The following FCHO2 variants were observed in gnomAD, a reference collection of about 807,000 sequenced individuals.
The protein encoded by FCHO2 is F-BAR domain only protein 2.
Under a neutral mutation model 114.1 loss-of-function variants are expected in FCHO2, and 43 were observed. The observed-to-expected ratio is 0.38, with a 90% CI of 0.30 to 0.49. The LOEUF (loss-of-function observed/expected upper bound fraction) is 0.49, where lower values mean the gene tolerates loss of function less well. Ranked by LOEUF, FCHO2 falls within the 20% of genes least tolerant of loss-of-function variation. The probability of loss-of-function intolerance (pLI) is 0.97; values close to 1 mark genes in which losing one functional copy is unlikely to be tolerated. For missense variants in FCHO2, 807 were observed against 950.4 expected (o/e 0.85, Z 1.98); for synonymous variants, 293 against 315.2 (o/e 0.93, Z 0.75).
At chr5:72,959,577 T>C (rs112374186) in intron 1 of FCHO2, among the ~76,000 whole-genome samples, 62 of 152,306 alleles carry the variant, frequency 4.1e-4, no homozygotes, top group African/African-American at 1.4e-3. Context: ...TAGATATTAA[T>C]TTAACTCTTC....
intron 8 of FCHO2, chr5:73,020,976 A>C (rs779162983): frequency 3.1e-5 from 50 of 1,596,602 alleles, no homozygotes; most frequent in Non-Finnish European, 4.0e-5. Flanking sequence ...GTTCGGGTCC[A>C]TTCACATCTT....
chr5:72,968,733 G>A (rs1561406313), intron 2 of FCHO2, 144 bp downstream of exon 2: 1 of 608,882 alleles, frequency 1.6e-6, no homozygotes, highest in East Asian at 3.8e-5. Context: ...CTATCTATTT[G>A]TATCTATCAT....
At chr5:72,990,923 C>G (rs1033714351) in intron 5 of FCHO2, 59 bp downstream of exon 5, 34 of 1,480,270 alleles carry the variant, frequency 2.3e-5, no homozygotes, top group South Asian at 1.8e-4. Context: ...TACAAAATTG[C>G]ATTTAACATT....
chr5:72,988,334 A>G (rs1362382615), intron 2 of FCHO2, among the ~76,000 whole-genome samples: 1 of 152,102 alleles, frequency 6.6e-6, no homozygotes, highest in African/African-American at 2.4e-5. Context: ...GCTACTCGGG[A>G]GGCTGAGGCA....
intron 8 of FCHO2, among the ~76,000 whole-genome samples, chr5:73,030,045 G>GTT (rs113431803): frequency 0.14 from 19,251 of 135,136 alleles, 1,605 homozygotes; most frequent in East Asian, 0.34. Flanking sequence ...CTTTCTTTTT[G>GTT]TTTTTTTTTT....
intron 11 of FCHO2, among the ~76,000 whole-genome samples, chr5:73,043,466 C>T (rs987588844): frequency 2.0e-5 from 3 of 152,110 alleles, no homozygotes; most frequent in East Asian, 1.9e-4. Flanking sequence ...CATATACACA[C>T]ATATATAAAG....
chr5:72,998,793 TTAATG>T (rs1479121674), intron 5 of FCHO2, among the ~76,000 whole-genome samples: 1 of 151,528 alleles, frequency 6.6e-6, no homozygotes, highest in Non-Finnish European at 1.5e-5. Flanking sequence ...CAAAACAAGT[TTAATG>T]TAATGATTTA....
chr5:72,977,974 C>T (rs963731637), intron 2 of FCHO2, among the ~76,000 whole-genome samples: 1 of 152,084 alleles, frequency 6.6e-6, no homozygotes, highest in African/African-American at 2.4e-5. Context: ...TTCCATTGGT[C>T]TATATCTCTG....
intron 9 of FCHO2, among the ~76,000 whole-genome samples, chr5:73,035,410 C>A (rs1016737576): frequency 2.6e-5 from 4 of 152,028 alleles, no homozygotes; most frequent in Non-Finnish European, 2.9e-5. Flanking sequence ...CAGAGTGAGA[C>A]CCTGTCTCAA....
Position 73,023,316 on chromosome 5 carries a change from TTTATAA to T in FCHO2, c.796+6012_796+6017del, listed in dbSNP as rs138709510. 3.1e-3 allele frequency among the ~76,000 whole-genome samples: 478 copies of T among 152,332 alleles called. 2 individuals are homozygous for T. The highest frequency in any genetic ancestry group is 4.9e-3 in the Non-Finnish European group (333 of 68,026). On this transcript the variant is annotated intron_variant, in intron 8 of 25. Transcript: ENST00000430046. Reference sequence around the variant, plus strand: ...AACAGTTTAAGAGGCAGGAATTTACTTTATAATTAGATAAAACTAGAAGATAAAAGT... The same window carrying T: ...AACAGTTTAAGAGGCAGGAATTTACTTTAGATAAAACTAGAAGATAAAAGT...
intron 11 of FCHO2, among the ~76,000 whole-genome samples, chr5:73,050,219 A>G (rs1580167403): frequency 6.6e-6 from 1 of 152,114 alleles, no homozygotes; most frequent in South Asian, 2.1e-4. Context: ...CTTTGTTTGA[A>G]TTTGTTGATA....
At chr5:72,984,379 A>G (rs1026250558) in intron 2 of FCHO2, among the ~76,000 whole-genome samples, 2 of 152,160 alleles carry the variant, frequency 1.3e-5, no homozygotes, top group Non-Finnish European at 2.9e-5. Flanking sequence ...TTTGGTATCA[A>G]AGTTTGTTGG....
intron 19 of FCHO2, among the ~76,000 whole-genome samples, chr5:73,071,193 A>G (rs375381736): frequency 4.1e-4 from 62 of 152,158 alleles, no homozygotes; most frequent in African/African-American, 1.4e-3. Context: ...TAAAAACACG[A>G]TATTTTTGCA....
chr5:73,077,263 T>C lies in FCHO2; in HGVS notation c.1692-75T>C, dbSNP rs1361230425. 3.5e-6 allele frequency: 5 copies of C among 1,412,590 alleles called. No individual in the cohort carries two copies. The South Asian group carries it at 4.2e-5, about 12-fold the overall frequency. 87.5% of individuals were successfully genotyped at this position (1,412,590 alleles called of 1,614,324 possible). The stretch of plus-strand genomic sequence containing the variant: ...GTGTGTGTGCGCACGTGCACGCGTG[T>C]GCCTTTTTAAACCAAATACTTTAAA... On this transcript the variant is annotated intron_variant, in intron 20 of 25. Coordinates refer to ENST00000430046, the MANE Select transcript of FCHO2 (RefSeq NM_138782.3).
intron 20 of FCHO2, among the ~76,000 whole-genome samples, chr5:73,077,048 A>C (rs1027722011): frequency 6.6e-6 from 1 of 152,180 alleles, no homozygotes; most frequent in Non-Finnish European, 1.5e-5. Flanking sequence ...CCTTCCAGGG[A>C]GGGAATGGTT....
chr5:73,034,328 T>C (rs1756385393), intron 8 of FCHO2: 2 of 229,044 alleles, frequency 8.7e-6, no homozygotes, highest in Non-Finnish European at 1.7e-5. Context: ...TTGTTTCCTC[T>C]CATTAACAGT....
intron 5 of FCHO2, 132 bp downstream of exon 5, chr5:72,990,996 A>C: frequency 1.0e-6 from 1 of 972,870 alleles, no homozygotes; most frequent in Non-Finnish European, 1.5e-6. Context: ...AGTCCTAGTG[A>C]TTACCCAAGT....
chr5:73,037,438 C>CA (rs1238642943), intron 10 of FCHO2, among the ~76,000 whole-genome samples: 6 of 151,624 alleles, frequency 4.0e-5, no homozygotes, highest in Non-Finnish European at 5.9e-5. Context: ...ACATTATAGA[C>CA]AAAAGCTTTA....
chr5:73,012,351 G>C (rs1755065917), intron 6 of FCHO2, among the ~76,000 whole-genome samples: 1 of 152,138 alleles, frequency 6.6e-6, no homozygotes, highest in East Asian at 1.9e-4. Flanking sequence ...GGCTGGGTTT[G>C]GTGGCTCACG....
Sources: gnomAD v4.1 joint callset for allele counts (sites outside exome capture counted in the v4.1 genomes callset) on GRCh38, gnomAD v4.1.1 for gene constraint, MANE v1.5 for transcripts, NCBI Gene and HGNC (gene_info 2026-07-23, HGNC 2026-07-21) for gene names.